FRY: variants seen among roughly 807,000 people sequenced by gnomAD.
FRY encodes protein furry homolog.
A neutral mutation model predicts 348.4 loss-of-function variants in FRY; 128 were observed. The observed-to-expected ratio is 0.37, with a 90% CI of 0.32 to 0.43. The LOEUF (loss-of-function observed/expected upper bound fraction) is 0.43. Among genes scored for constraint, FRY ranks in the 20% least tolerant of loss-of-function variants. FRY has a pLI of 1.00. For missense variants in FRY, 2,736 were observed against 3,695.2 expected (o/e 0.74, Z 6.73); for synonymous variants, 1,370 against 1,374.7 (o/e 1.00, Z 0.08).
At chr13:32,059,489 T>G (rs1873815284) in intron 1 of FRY, among the ~76,000 whole-genome samples, 2 of 149,276 alleles carry the variant, frequency 1.3e-5, no homozygotes. Context: ...TTATAGAGAA[T>G]GTAGTATTAC....
At chr13:32,093,096 C>T (rs1243120448) in intron 2 of FRY, among the ~76,000 whole-genome samples, 1 of 152,208 alleles carries the variant, frequency 6.6e-6, no homozygotes, top group Non-Finnish European at 1.5e-5. Flanking sequence ...TCGTTACACA[C>T]TCCCTGAACC....
chr13:32,105,179 C>A (rs564271720), intron 3 of FRY, among the ~76,000 whole-genome samples: 1 of 152,254 alleles, frequency 6.6e-6, no homozygotes, highest in Non-Finnish European at 1.5e-5. Context: ...AGAGGTAGGG[C>A]CTTTAAGTGG....
At chr13:32,280,327 T>A (rs1788030954) in intron 58 of FRY, among the ~76,000 whole-genome samples, 1 of 152,236 alleles carries the variant, frequency 6.6e-6, no homozygotes, top group Admixed American at 6.5e-5. Context: ...CACAATAAAC[T>A]CCAGCATTTC....
chr13:32,094,067 G>T (rs747546149), intron 2 of FRY, among the ~76,000 whole-genome samples: 17 of 152,224 alleles, frequency 1.1e-4, no homozygotes, highest in South Asian at 2.1e-4. Flanking sequence ...TGTGTATTCT[G>T]TGCTAATTTT....
At chr13:32,192,337 C>T (rs1237337326) in intron 28 of FRY, among the ~76,000 whole-genome samples, 1 of 139,300 alleles carries the variant, frequency 7.2e-6, no homozygotes, top group African/African-American at 2.6e-5. Flanking sequence ...CTCGCTCTGT[C>T]CCCCCGGCTG....
At chr13:32,250,256 C>T (rs1289804934) in intron 49 of FRY, among the ~76,000 whole-genome samples, 1 of 152,218 alleles carries the variant, frequency 6.6e-6, no homozygotes, top group Non-Finnish European at 1.5e-5. Context: ...AAAACTTCTG[C>T]ATTATTCAGG....
At chr13:32,083,193 A>G (rs1875612622) in intron 2 of FRY, among the ~76,000 whole-genome samples, 1 of 152,108 alleles carries the variant, frequency 6.6e-6, no homozygotes, top group Admixed American at 6.5e-5. Flanking sequence ...CAATTCATTA[A>G]TGTTCTCTTA....
In FRY at chr13:32,244,054, G is replaced by A; in HGVS notation, c.6700G>A (p.Gly2234Ser). The part of the protein sequence containing the change: ...VTYLAELLEK[G>S]LPSVQQPLLQ... ...TTTGCCCCCACAGCTGCTGGAGAAG[G>A]GCCTCCCTAGTGTGCAGCAGCCCCT... is the stretch of plus-strand genomic sequence containing the variant. Residue 2234 changes from glycine (G) to serine (S), a missense_variant, in exon 47 of 61, where the codon GGC (glycine) becomes AGC (serine). Transcript: ENST00000542859. The A allele has an allele frequency of 6.2e-7, 1 of 1,613,972 alleles. No homozygotes were observed. Among genetic ancestry groups the A allele is most frequent in the South Asian group, 1.1e-5 (1 of 91,072 alleles).
chr13:32,092,828 G>A (rs1337415579), intron 2 of FRY, among the ~76,000 whole-genome samples: 2 of 152,140 alleles, frequency 1.3e-5, no homozygotes, highest in Non-Finnish European at 2.9e-5. Context: ...ACAGTGGTCC[G>A]TTTTATAGCT....
At chr13:32,066,213 A>G (rs1258878179) in intron 1 of FRY, among the ~76,000 whole-genome samples, 1 of 152,196 alleles carries the variant, frequency 6.6e-6, no homozygotes. Context: ...CAGTTTTCCT[A>G]TAGAACGAAC....
intron 2 of FRY, among the ~76,000 whole-genome samples, chr13:32,091,207 G>C (rs1486022431): frequency 1.3e-5 from 2 of 152,188 alleles, no homozygotes; most frequent in Non-Finnish European, 2.9e-5. Flanking sequence ...ACCTACTCAG[G>C]ATGTCATAGG....
In FRY at chr13:32,101,991, G is replaced by T. The variant is rs566986519; in HGVS notation, c.299G>T (p.Arg100Leu). The change falls in exon 3 of 61, where the codon CGT (arginine) becomes CTT (leucine). Residue 100 changes from arginine to leucine, a missense_variant. By Grantham distance (102) the Arg-to-Leu change is moderately radical. Coordinates refer to ENST00000542859, the MANE Select transcript of FRY (RefSeq NM_023037.3). ...AAGCCATTGACAAAATCTCTGCAAC[G>T]TGGAGAAGACCCCCAATTTGATCAG... ...LEKPLTKSLQ[R>L]GEDPQFDQVI... is the part of the protein sequence containing the mutation. 3 of 1,545,448 alleles carry T rather than the reference G, an allele frequency of 1.9e-6. No homozygotes were observed. The highest frequency in any genetic ancestry group is 2.7e-6 in the Non-Finnish European group (3 of 1,117,520).
At chr13:32,176,846 C>T (rs1882389233) in intron 20 of FRY, among the ~76,000 whole-genome samples, 1 of 152,174 alleles carries the variant, frequency 6.6e-6, no homozygotes, top group Non-Finnish European at 1.5e-5. Flanking sequence ...GCTGTTACTT[C>T]ATGTAATTCA....
At chr13:32,121,831 T>C (rs1878676597) in intron 4 of FRY, among the ~76,000 whole-genome samples, 1 of 152,216 alleles carries the variant, frequency 6.6e-6, no homozygotes, top group South Asian at 2.1e-4. Context: ...GCTTTTGGGT[T>C]TTGGGTCATG....
At chr13:32,204,222 T>A (rs1397042064) in intron 31 of FRY, among the ~76,000 whole-genome samples, 2 of 152,152 alleles carry the variant, frequency 1.3e-5, no homozygotes, top group Non-Finnish European at 2.9e-5. Context: ...CCCCATAGGA[T>A]GTGAAGATTA....
chr13:32,143,800 A>C (rs1008410827), intron 11 of FRY, among the ~76,000 whole-genome samples: 2 of 152,194 alleles, frequency 1.3e-5, no homozygotes, highest in Admixed American at 1.3e-4. Context: ...TGTCTTCTAC[A>C]TAATAATACT....
At chr13:32,233,534 A>G (rs958601886) in intron 41 of FRY, among the ~76,000 whole-genome samples, 4 of 152,238 alleles carry the variant, frequency 2.6e-5, no homozygotes, top group Non-Finnish European at 4.4e-5. Flanking sequence ...AGTTTAAATT[A>G]TGGCTGCCTT....
chr13:32,208,774 T>A, intron 31 of FRY, 79 bp from the exon 32 acceptor site: 1 of 1,534,892 alleles, frequency 6.5e-7, no homozygotes. Flanking sequence ...CTGTTCAGTC[T>A]GCAAGTTGGC....
At chr13:32,261,543 A>T (rs1322138735) in intron 51 of FRY, 73 bp from the exon 52 acceptor site, 1 of 1,193,738 alleles carries the variant, frequency 8.4e-7, no homozygotes, top group African/African-American at 1.5e-5. Flanking sequence ...CCAAGCTATG[A>T]CTAATTGAAT....
Sources: allele counts gnomAD v4.1 joint callset (sites outside exome capture counted in the v4.1 genomes callset), GRCh38; gene constraint gnomAD v4.1.1; transcripts MANE v1.5; gene names NCBI Gene and HGNC (gene_info 2026-07-23, HGNC 2026-07-21).